The following LIN28B variants were observed in gnomAD, a reference collection of about 807,000 sequenced individuals.
LIN28B encodes protein lin-28 homolog B.
Under a neutral mutation model 21.9 loss-of-function variants are expected in LIN28B, and 5 were observed. That is an observed-to-expected ratio of 0.23 (90% confidence interval 0.12 to 0.48). LIN28B has a LOEUF of 0.48. Ranked by LOEUF, LIN28B falls within the 20% of genes least tolerant of loss-of-function variation. LIN28B has a pLI of 0.98. For missense variants in LIN28B, 245 were observed against 310.5 expected (o/e 0.79, Z 1.58); for synonymous variants, 109 against 111.3 (o/e 0.98, Z 0.13).
chr6:104,993,625 C>T (rs148432073), intron 2 of LIN28B, among the ~76,000 whole-genome samples: 3,283 of 151,968 alleles, frequency 0.022, 127 homozygotes, highest in African/African-American at 0.076. Flanking sequence ...TGCTCGAGGC[C>T]AGGAGTTCAA....
chr6:104,958,351 T>C (rs1199111236), intron 2 of LIN28B, 65 bp downstream of exon 2: 5 of 1,271,578 alleles, frequency 3.9e-6, no homozygotes, highest in Non-Finnish European at 5.4e-6. Context: ...TCGGTAGTTA[T>C]GCCAATAGAC....
At chr6:105,033,940 A>G (rs553472719) in intron 3 of LIN28B, among the ~76,000 whole-genome samples, 7 of 151,714 alleles carry the variant, frequency 4.6e-5, no homozygotes, top group African/African-American at 1.4e-4. Context: ...AATATATAAT[A>G]TAATTTTAGT....
chr6:104,968,671 C>G (rs1165438401), intron 2 of LIN28B, among the ~76,000 whole-genome samples: 1 of 152,010 alleles, frequency 6.6e-6, no homozygotes, highest in Non-Finnish European at 1.5e-5. Flanking sequence ...TTACTTTGGC[C>G]AAGATTTGTT....
chr6:105,009,151 A>G (rs1237732675), intron 2 of LIN28B, among the ~76,000 whole-genome samples: 1 of 152,188 alleles, frequency 6.6e-6, no homozygotes, highest in Non-Finnish European at 1.5e-5. Context: ...AAATATATGC[A>G]CTGAAAGCTA....
chr6:104,950,993 T>C (rs1211001370), intron 3 of LIN28B, among the ~76,000 whole-genome samples: 1 of 152,184 alleles, frequency 6.6e-6, no homozygotes, highest in Non-Finnish European at 1.5e-5. Flanking sequence ...GAGGAAATTT[T>C]TCTTATCTAG....
intron 3 of LIN28B, among the ~76,000 whole-genome samples, chr6:105,051,697 A>G (rs965518196): frequency 2.0e-5 from 3 of 151,020 alleles, no homozygotes; most frequent in African/African-American, 7.3e-5. Context: ...AGTAGTTGTA[A>G]TCCTGTGCAG....
In LIN28B at chr6:105,009,827, T is replaced by C. The variant is rs145943298; in HGVS notation, c.199-16471T>C. ...ATGTCTATATCATTTTCCTGCTGCC[T>C]TTCAAATTCATTCATCAGCTCAGCA... On this transcript the variant is annotated intron_variant, in intron 2 of 3. Transcript: ENST00000345080. Among the ~76,000 whole-genome samples, 47 of 152,334 alleles carry C rather than the reference T, an allele frequency of 3.1e-4. No homozygotes were observed. In the East Asian group the frequency reaches 8.3e-3, roughly 27 times the overall value.
At chr6:105,005,922 T>G (rs190590382) in intron 2 of LIN28B, among the ~76,000 whole-genome samples, 1 of 152,218 alleles carries the variant, frequency 6.6e-6, no homozygotes, top group African/African-American at 2.4e-5. Context: ...CAAGAGCTCT[T>G]TCTTGTTTTC....
chr6:105,013,562 A>C (rs2114313183), intron 2 of LIN28B, among the ~76,000 whole-genome samples: 1 of 151,610 alleles, frequency 6.6e-6, no homozygotes, highest in South Asian at 2.1e-4. Context: ...ACATGGCAAA[A>C]CCCTGTCTCT....
At chr6:105,048,318 C>T (rs1226359715) in intron 3 of LIN28B, among the ~76,000 whole-genome samples, 5 of 152,248 alleles carry the variant, frequency 3.3e-5, no homozygotes, top group South Asian at 4.1e-4. Context: ...TGCTGGATTA[C>T]GTTTATTGAT....
upstream of LIN28B, among the ~76,000 whole-genome samples, chr6:104,952,527 T>A (rs1778231411): frequency 6.6e-6 from 1 of 152,188 alleles, no homozygotes; most frequent in African/African-American, 2.4e-5. Flanking sequence ...TTTCTACAGC[T>A]ATTATGTATA....
chr6:105,041,636 G>A (rs188761535), intron 3 of LIN28B, among the ~76,000 whole-genome samples: 2 of 152,250 alleles, frequency 1.3e-5, no homozygotes, highest in East Asian at 1.9e-4. Flanking sequence ...CTGACTGGAG[G>A]TATAGTGGTC....
At chr6:104,972,743 T>C (rs1382177122) in intron 2 of LIN28B, among the ~76,000 whole-genome samples, 1 of 152,216 alleles carries the variant, frequency 6.6e-6, no homozygotes, top group Non-Finnish European at 1.5e-5. Flanking sequence ...GATATCTGTT[T>C]CAGTACATAT....
At chr6:104,998,841 T>G (rs905677701) in intron 2 of LIN28B, among the ~76,000 whole-genome samples, 10 of 152,156 alleles carry the variant, frequency 6.6e-5, no homozygotes, top group Admixed American at 5.9e-4. Context: ...GGTAATTTTT[T>G]GGGTATTGTG....
chr6:105,058,898 T>C (rs1772074834), intron 3 of LIN28B, among the ~76,000 whole-genome samples: 1 of 152,208 alleles, frequency 6.6e-6, no homozygotes, highest in Non-Finnish European at 1.5e-5. Context: ...TCTGTTTTTC[T>C]ATTGGACTCT....
rs559882622 is a variant in LIN28B, at chr6:105,014,615, C to A, written c.199-11683C>A. On this transcript the variant is annotated intron_variant, in intron 2 of 3. Coordinates refer to ENST00000345080, the MANE Select transcript of LIN28B (RefSeq NM_001004317.4). ...GGAATTACAGGCGTGAGCCACTGCA[C>A]CTGGCCTTAAATTTCTTTTTATAGC... 1.6e-4 allele frequency among the ~76,000 whole-genome samples: 24 copies of A among 152,290 alleles called. No individual in the cohort carries two copies. The East Asian group carries it at 4.6e-3, about 29-fold the overall frequency.
chr6:105,046,200 T>A (rs947950430), intron 3 of LIN28B, among the ~76,000 whole-genome samples: 4 of 152,092 alleles, frequency 2.6e-5, no homozygotes, highest in Non-Finnish European at 4.4e-5. Context: ...CAGTGTGTGA[T>A]GTTCCCCTTC....
chr6:104,999,001 A>G (rs1257667387), intron 2 of LIN28B, among the ~76,000 whole-genome samples: 1 of 152,214 alleles, frequency 6.6e-6, no homozygotes, highest in Admixed American at 6.5e-5. Context: ...CTTGCAGTAT[A>G]TAGAACTTTT....
chr6:105,065,551 C>A (rs2114407823), intron 3 of LIN28B, among the ~76,000 whole-genome samples: 1 of 152,358 alleles, frequency 6.6e-6, no homozygotes, highest in African/African-American at 2.4e-5. Context: ...ATTTATACTT[C>A]ATCGTTTTCC....
Sources: allele counts gnomAD v4.1 joint callset (sites outside exome capture counted in the v4.1 genomes callset), GRCh38; gene constraint gnomAD v4.1.1; transcripts MANE v1.5; gene names NCBI Gene and HGNC (gene_info 2026-07-23, HGNC 2026-07-21).